MMP24: variants seen among roughly 807,000 people sequenced by gnomAD.
The protein encoded by MMP24 is matrix metalloproteinase-24.
Under a neutral mutation model 62.8 loss-of-function variants are expected in MMP24, and 25 were observed. That is an observed-to-expected ratio of 0.40 (90% CI 0.29 to 0.56). The LOEUF (loss-of-function observed/expected upper bound fraction) is 0.56. Ranked by LOEUF, MMP24 falls within the 20% of genes least tolerant of loss-of-function variation. The pLI is 0.50. For missense variants in MMP24, 634 were observed against 853.6 expected, an observed-to-expected ratio of 0.74 and a Z score of 3.21; for synonymous variants, 319 against 350.5, an observed-to-expected ratio of 0.91 and a Z score of 1.00.
rs771841042 is a variant in MMP24 at position 35,267,219 on chromosome 20, C to A, written c.994C>A (p.Pro332Thr). The A allele has an allele frequency of 6.3e-7, 1 of 1,597,880 alleles. No individual in the cohort carries two copies. Among genetic ancestry groups the A allele is most frequent in the Non-Finnish European group, 8.5e-7 (1 of 1,172,998 alleles). ...IQKIYGPPAE[P>T]LEPTRPLPTL... is the part of the protein sequence containing the mutation. The stretch of plus-strand genomic sequence containing the variant: ...CCTCTCTCCAGGACCCCCAGCCGAG[C>A]CTCTGGAGCCCACAAGGCCACTCCC... Residue 332 changes from proline to threonine, a missense_variant, in exon 6 of 9, where the codon CCT becomes ACT. Physicochemically the swap from Pro to Thr is conservative, Grantham distance 38. Transcript: ENST00000246186.
intron 1 of MMP24, among the ~76,000 whole-genome samples, chr20:35,232,068 A>G (rs147310011): frequency 1.3e-5 from 2 of 152,282 alleles, no homozygotes; most frequent in East Asian, 3.9e-4. Flanking sequence ...ATTAAAGCAA[A>G]TAACAGAAGC....
intron 1 of MMP24, among the ~76,000 whole-genome samples, chr20:35,238,355 T>G (rs531983778): frequency 2.0e-5 from 3 of 152,218 alleles, no homozygotes; most frequent in East Asian, 1.9e-4. Flanking sequence ...TTTCAACATG[T>G]GGTTACAATA....
At chr20:35,250,845 C>G (rs1043364314) in intron 2 of MMP24, among the ~76,000 whole-genome samples, 4 of 152,148 alleles carry the variant, frequency 2.6e-5, no homozygotes, top group Non-Finnish European at 2.9e-5. Flanking sequence ...GGGAAGTCTG[C>G]CTGCATGGCC....
At chr20:35,263,618 C>T (rs2060615819) in intron 4 of MMP24, 173 bp from the exon 5 acceptor site, 1 of 501,154 alleles carries the variant, frequency 2.0e-6, no homozygotes, top group Admixed American at 4.0e-5. Flanking sequence ...TGTCCCTGCT[C>T]TGCAGAGAGG....
At chr20:35,234,130 A>C (rs1216807446) in intron 1 of MMP24, among the ~76,000 whole-genome samples, 5 of 151,936 alleles carry the variant, frequency 3.3e-5, no homozygotes. Flanking sequence ...TCTTTTTCTA[A>C]TATACAGGCT....
intron 4 of MMP24, 82 bp downstream of exon 4, chr20:35,254,836 C>T (rs2060566901): frequency 6.9e-7 from 1 of 1,448,104 alleles, no homozygotes; most frequent in South Asian, 1.4e-5. Context: ...AGATGAGTTT[C>T]CTGCTTTCTA....
chr20:35,262,682 G>A (rs1407627012), intron 4 of MMP24: 3 of 146,364 alleles, frequency 2.0e-5, no homozygotes, highest in East Asian at 1.9e-4. Context: ...TACGGGTGTC[G>A]GGCTGGGGGA....
chr20:35,270,408 G>A lies in MMP24; in HGVS notation c.1333+510G>A, dbSNP rs6058217. ...GAGCAGGGCTGGGATGTGTACGGAC[G>A]GCCACAGGGCTTAGAAGGCCCACCT... On this transcript the variant is annotated intron_variant, in intron 7 of 8. Coordinates refer to ENST00000246186, the MANE Select transcript of MMP24 (RefSeq NM_006690.4). Among the ~76,000 whole-genome samples the A allele has an allele frequency of 3.4e-3, 518 of 152,322 alleles. 1 individual carries two copies. The highest frequency in any genetic ancestry group is 0.012 in the African/African-American group (491 of 41,562).
chr20:35,237,496 T>A (rs1012551652), intron 1 of MMP24, among the ~76,000 whole-genome samples: 1 of 152,204 alleles, frequency 6.6e-6, no homozygotes, highest in Non-Finnish European at 1.5e-5. Flanking sequence ...CATCTGAAGA[T>A]CCTTAACTTA....
At chr20:35,267,750 A>C in intron 6 of MMP24, 1 of 375,202 alleles carries the variant, frequency 2.7e-6, no homozygotes, top group Non-Finnish European at 5.0e-6. Context: ...TTCCTCTAAC[A>C]AAGAGTGTGT....
chr20:35,258,868 C>A (rs1279654310), intron 4 of MMP24, among the ~76,000 whole-genome samples: 2 of 152,084 alleles, frequency 1.3e-5, no homozygotes, highest in East Asian at 3.9e-4. Context: ...ATCTTCCCCA[C>A]CTCCTCCATG....
Position 35,226,878 on chromosome 20 carries a change from C to T in MMP24, c.140C>T (p.Pro47Leu). The stretch of plus-strand genomic sequence containing the variant: ...CTGCTGCCCGCGCTCTGCTGCCTCC[C>T]GGGCGCCGCGCGGGCGGCGGCGGCG... The part of the protein sequence containing the change: ...LLLLPALCCL[P>L]GAARAAAAAA... The change falls in exon 1 of 9, where the codon CCG (proline) becomes CTG (leucine). Residue 47 changes from proline (P) to leucine (L), a missense_variant. Physicochemically the swap from Pro to Leu is moderately conservative, Grantham distance 98. Coordinates refer to ENST00000246186, the MANE Select transcript of MMP24 (RefSeq NM_006690.4). The T allele has an allele frequency of 1.0e-5, 10 of 979,112 alleles. 1 individual carries two copies. The highest frequency in any genetic ancestry group is 1.2e-5 in the Non-Finnish European group (10 of 828,240). The allele number at this position is 979,112 out of a possible 1,614,324, so 60.7% of individuals were successfully genotyped here.
At chr20:35,230,190 G>C (rs906747740) in intron 1 of MMP24, among the ~76,000 whole-genome samples, 1 of 151,886 alleles carries the variant, frequency 6.6e-6, no homozygotes, top group Non-Finnish European at 1.5e-5. Flanking sequence ...GGTTTTCGCC[G>C]TATTGGCCAG....
At position 35,269,819 on chromosome 20, in the gene MMP24, C is replaced by T. The variant is rs371306332; in HGVS notation, c.1254C>T (p.Ile418=). The change falls in exon 7 of 9, where the codon ATC becomes ATT. Residue 418 remains isoleucine, a synonymous_variant. Coordinates refer to ENST00000246186, the MANE Select transcript of MMP24 (RefSeq NM_006690.4). This position sits in a 1 kb window ranked among gnomAD's most constrained non-coding sequence, Gnocchi z 4.6. ...NRVQEGYPMQ[I]EQFWKGLPAR... is the part of the protein sequence containing the mutation. ...TGCAGGAGGGCTACCCCATGCAGAT[C>T]GAGCAGTTCTGGAAGGGCCTGCCTG... 163 of 1,564,948 alleles carry T rather than the reference C, an allele frequency of 1.0e-4. No homozygotes were observed. Among genetic ancestry groups the T allele is most frequent in the Non-Finnish European group, 1.3e-4 (151 of 1,155,138 alleles).
At chr20:35,244,754 C>T (rs1163179906) in intron 1 of MMP24, among the ~76,000 whole-genome samples, 1 of 150,116 alleles carries the variant, frequency 6.7e-6, no homozygotes, top group Non-Finnish European at 1.5e-5. Context: ...ATAATCTTTA[C>T]TTGCTATCCT....
chr20:35,231,674 C>T (rs887081618), intron 1 of MMP24, among the ~76,000 whole-genome samples: 1 of 152,082 alleles, frequency 6.6e-6, no homozygotes, highest in Non-Finnish European at 1.5e-5. Context: ...AGACATTGTC[C>T]TCATTTTATA....
At chr20:35,270,253 C>G (rs2060661708) in intron 7 of MMP24, among the ~76,000 whole-genome samples, 1 of 152,186 alleles carries the variant, frequency 6.6e-6, no homozygotes, top group African/African-American at 2.4e-5. Context: ...CTAAGGTGCC[C>G]ACCCTGTACC....
chr20:35,239,098 G>A (rs1342901862), intron 1 of MMP24, among the ~76,000 whole-genome samples: 1 of 150,852 alleles, frequency 6.6e-6, no homozygotes, highest in Non-Finnish European at 1.5e-5. Flanking sequence ...CCAGGCTGGG[G>A]TGCAGTGCCG....
At chr20:35,262,291 G>T (rs569307194) in intron 4 of MMP24, among the ~76,000 whole-genome samples, 21 of 152,298 alleles carry the variant, frequency 1.4e-4, no homozygotes, top group Non-Finnish European at 2.2e-4. Context: ...AGTTCCCTTA[G>T]TATTTATTCA....
Sources: gnomAD v4.1 joint callset for allele counts (sites outside exome capture counted in the v4.1 genomes callset) on GRCh38, gnomAD v4.1.1 for gene constraint, Gnocchi (gnomAD v3.1) non-coding constraint, MANE v1.5 for transcripts, NCBI Gene and HGNC (gene_info 2026-07-23, HGNC 2026-07-21) for gene names.